The following TTC7A variants were observed in gnomAD, a reference collection of about 807,000 sequenced individuals.
TTC7A encodes tetratricopeptide repeat protein 7A.
A neutral mutation model predicts 103.7 loss-of-function variants in TTC7A; 110 were observed. The ratio of observed to expected loss-of-function variants is 1.06; its 90% CI spans 0.91 to 1.24. The LOEUF (loss-of-function observed/expected upper bound fraction) is 1.24. TTC7A is among the 50% of genes most tolerant of loss of function. The pLI is 0.00. For synonymous variants in TTC7A, 521 were observed against 467.9 expected (o/e 1.11, Z -1.47); for missense variants, 1,340 against 1,116.3 (o/e 1.20, Z -2.86).
intron 16 of TTC7A, among the ~76,000 whole-genome samples, chr2:47,049,326 C>G (rs369171909): frequency 2.7e-4 from 41 of 152,046 alleles, no homozygotes; most frequent in African/African-American, 8.7e-4. Context: ...CCGCTGCCCC[C>G]ACTCTGTGAA....
At chr2:46,968,290 G>A (rs1673031404) in intron 3 of TTC7A, among the ~76,000 whole-genome samples, 2 of 152,220 alleles carry the variant, frequency 1.3e-5, no homozygotes, top group African/African-American at 2.4e-5. Context: ...GCCCTTGCCG[G>A]TGGGAATCAC....
chr2:47,033,817 C>T (rs900944596), intron 15 of TTC7A, among the ~76,000 whole-genome samples: 12 of 152,174 alleles, frequency 7.9e-5, no homozygotes, highest in African/African-American at 2.4e-4. Flanking sequence ...GTCCCCAGGG[C>T]GGCAGTGCCT....
intron 4 of TTC7A, among the ~76,000 whole-genome samples, chr2:46,977,619 T>A (rs1674006222): frequency 2.0e-5 from 3 of 152,190 alleles, no homozygotes; most frequent in Admixed American, 2.0e-4. Flanking sequence ...TAGCAGGCAC[T>A]TAGATGTTTG....
intron 2 of TTC7A, among the ~76,000 whole-genome samples, chr2:46,953,747 G>A (rs947701419): frequency 4.6e-5 from 7 of 151,988 alleles, no homozygotes; most frequent in South Asian, 2.1e-4. Context: ...TTGCACCATC[G>A]CATGCAGGCC....
chr2:46,917,793 A>C (rs1668891964), intron 2 of TTC7A, among the ~76,000 whole-genome samples: 1 of 152,108 alleles, frequency 6.6e-6, no homozygotes, highest in African/African-American at 2.4e-5. Context: ...TTGCCCTCTC[A>C]ACACTGTTTT....
chr2:47,007,431 GC>G lies in TTC7A; in HGVS notation c.1287+708del, dbSNP rs1677537545. On this transcript the variant is annotated intron_variant, in intron 10 of 19. Coordinates refer to ENST00000319190, the MANE Select transcript of TTC7A (RefSeq NM_020458.4). The surrounding 1 kb of genome is among the most constrained non-coding windows in gnomAD (Gnocchi z 4.9). ...GGAGCTGAGTTCTGAGGGTGTTGGGGCTGAGGATGCTATGAATGCAGGAAAT... is the reference window on the plus strand; with the variant it reads ...GGAGCTGAGTTCTGAGGGTGTTGGGGTGAGGATGCTATGAATGCAGGAAAT... 2.6e-5 allele frequency among the ~76,000 whole-genome samples: 4 copies of G among 152,238 alleles called. No homozygotes were observed. In the South Asian group the frequency reaches 8.3e-4, roughly 31 times the overall value.
At chr2:46,987,806 G>A (rs916474936) in intron 5 of TTC7A, among the ~76,000 whole-genome samples, 9 of 115,682 alleles carry the variant, frequency 7.8e-5, no homozygotes, top group African/African-American at 2.2e-4. Flanking sequence ...GTCCCTTTCC[G>A]CGCGTGTGTG....
At chr2:46,925,463 C>G (rs1047100349) in intron 2 of TTC7A, among the ~76,000 whole-genome samples, 2 of 152,082 alleles carry the variant, frequency 1.3e-5, no homozygotes, top group Non-Finnish European at 2.9e-5. Context: ...GAGGCTGAGG[C>G]AGGAGAATCT....
chr2:47,038,389 G>C (rs546967235), intron 15 of TTC7A, among the ~76,000 whole-genome samples: 1 of 152,316 alleles, frequency 6.6e-6, no homozygotes, highest in Admixed American at 6.5e-5. Flanking sequence ...ACTTGGTGCA[G>C]CCCAGGCTGG....
chr2:46,922,341 T>C (rs1396283910), intron 2 of TTC7A, among the ~76,000 whole-genome samples: 1 of 152,194 alleles, frequency 6.6e-6, no homozygotes, highest in South Asian at 2.1e-4. Context: ...TTAGTGGGGC[T>C]TTGTCTATGG....
chr2:46,980,624 C>T (rs1290037408), intron 5 of TTC7A, among the ~76,000 whole-genome samples: 1 of 152,186 alleles, frequency 6.6e-6, no homozygotes, highest in Admixed American at 6.5e-5. Context: ...TTAAATTCAC[C>T]TCTGATGCTA....
intron 15 of TTC7A, among the ~76,000 whole-genome samples, chr2:47,039,781 C>T (rs1369050209): frequency 2.0e-5 from 3 of 152,220 alleles, no homozygotes; most frequent in African/African-American, 4.8e-5. Flanking sequence ...CCAACATTCT[C>T]CTGGGAGCCT....
intron 2 of TTC7A, among the ~76,000 whole-genome samples, chr2:46,922,350 G>A (rs1669150203): frequency 6.6e-6 from 1 of 152,136 alleles, no homozygotes; most frequent in African/African-American, 2.4e-5. Context: ...CTTTGTCTAT[G>A]GGAGTCCTAT....
intron 2 of TTC7A, among the ~76,000 whole-genome samples, chr2:46,921,459 A>C (rs1380597075): frequency 1.3e-5 from 2 of 152,230 alleles, no homozygotes; most frequent in Non-Finnish European, 2.9e-5. Flanking sequence ...TTGAAAGCAT[A>C]CTTTGTCTTA....
chr2:47,025,955 A>T (rs1374535135), intron 14 of TTC7A, among the ~76,000 whole-genome samples: 1 of 152,218 alleles, frequency 6.6e-6, no homozygotes. Flanking sequence ...TTGCTAATCT[A>T]GTGAACGATA....
intron 15 of TTC7A, among the ~76,000 whole-genome samples, chr2:47,045,107 T>C (rs1266637082): frequency 6.6e-6 from 1 of 152,150 alleles, no homozygotes. Flanking sequence ...TCAGTGATAC[T>C]GAGAAGAAAG....
chr2:47,046,352 A>T lies in TTC7A; in HGVS notation c.1840A>T (p.Lys614Ter). ...CAAGGTGAAGCTGGAGCAGGTGCTG[A>T]AAGGCCCAGAGGAAGCCCTCGTGAC... ...FTKVKLEQVL[K>*]GPEEALVTCR... Residue 614 changes from lysine (K) to a stop codon, truncating the protein, a stop_gained, in exon 16 of 20, where the codon AAA (lysine) becomes TAA (stop). Transcript: ENST00000319190. LOFTEE classifies it high-confidence loss of function. 1 of 1,614,150 alleles carries T rather than the reference A, an allele frequency of 6.2e-7. No individual in the cohort carries two copies. Among genetic ancestry groups the T allele is most frequent in the Non-Finnish European group, 8.5e-7 (1 of 1,180,012 alleles).
At chr2:46,961,509 G>A (rs1050894005) in intron 3 of TTC7A, among the ~76,000 whole-genome samples, 18 of 151,618 alleles carry the variant, frequency 1.2e-4, no homozygotes, top group African/African-American at 3.6e-4. Context: ...CCCGGGAGGC[G>A]GAGCTTGCAG....
intron 1 of TTC7A, among the ~76,000 whole-genome samples, chr2:46,944,510 G>A (rs1177296734): frequency 1.3e-5 from 2 of 150,190 alleles, no homozygotes; most frequent in African/African-American, 4.9e-5. Flanking sequence ...CTCCTGACTA[G>A]AAGGAAGGGC....
Sources: gnomAD v4.1 joint callset for allele counts (sites outside exome capture counted in the v4.1 genomes callset) on GRCh38, gnomAD v4.1.1 for gene constraint, Gnocchi (gnomAD v3.1) non-coding constraint, MANE v1.5 for transcripts, NCBI Gene and HGNC (gene_info 2026-07-23, HGNC 2026-07-21) for gene names.